PARPBP: variants seen among roughly 807,000 people sequenced by gnomAD.
PARPBP encodes PARP1 binding protein.
A neutral mutation model predicts 50.0 loss-of-function variants in PARPBP; 52 were observed. The ratio of observed to expected loss-of-function variants is 1.04; its 90% CI spans 0.83 to 1.31. The LOEUF is 1.31. Ranked by LOEUF, PARPBP falls within the 50% of genes most tolerant of loss-of-function variation. The pLI, the probability that PARPBP is intolerant of heterozygous loss-of-function variation, is 0.00. For missense variants in PARPBP, 697 were observed against 672.0 expected, an observed-to-expected ratio of 1.04 and a Z score of -0.41; for synonymous variants, 244 against 232.1, an observed-to-expected ratio of 1.05 and a Z score of -0.47.
At chr12:102,190,147 C>T (rs939648857) in intron 9 of PARPBP, among the ~76,000 whole-genome samples, 3 of 152,126 alleles carry the variant, frequency 2.0e-5, no homozygotes, top group African/African-American at 7.2e-5. Flanking sequence ...TATTTTGATA[C>T]AAGCATACAA....
intron 2 of PARPBP, among the ~76,000 whole-genome samples, chr12:102,133,753 C>A (rs545079055): frequency 6.6e-6 from 1 of 152,010 alleles, no homozygotes; most frequent in African/African-American, 2.4e-5. Flanking sequence ...CAAAACAAGT[C>A]TTAACAAATT....
chr12:102,161,144 C>T (rs568494612), intron 4 of PARPBP, among the ~76,000 whole-genome samples: 173 of 151,962 alleles, frequency 1.1e-3, no homozygotes, highest in African/African-American at 3.1e-3. Flanking sequence ...CTCATTCTGT[C>T]GCTCAGGCTG....
At chr12:102,195,623 AT>A (rs1326484632) in intron 10 of PARPBP, among the ~76,000 whole-genome samples, 176 bp downstream of exon 10, 1 of 151,768 alleles carries the variant, frequency 6.6e-6, no homozygotes, top group African/African-American at 2.4e-5. Context: ...ATCGATAGGA[AT>A]AGGACACAGT....
intron 2 of PARPBP, among the ~76,000 whole-genome samples, chr12:102,144,496 A>G (rs558428949): frequency 6.6e-6 from 1 of 152,200 alleles, no homozygotes; most frequent in Non-Finnish European, 1.5e-5. Flanking sequence ...GCACCTGATC[A>G]TGAAAACTGA....
intron 2 of PARPBP, among the ~76,000 whole-genome samples, chr12:102,134,455 G>C (rs1244278603): frequency 6.6e-6 from 1 of 152,140 alleles, no homozygotes; most frequent in Non-Finnish European, 1.5e-5. Context: ...CATTGAATCA[G>C]TAATAAAAAG....
intron 1 of PARPBP, among the ~76,000 whole-genome samples, chr12:102,122,575 A>G (rs1000894780): frequency 6.6e-6 from 1 of 152,238 alleles, no homozygotes; most frequent in African/African-American, 2.4e-5. Context: ...AAAAACTTTT[A>G]GCAGGCATGT....
chr12:102,195,516 T>A (rs1184829950), intron 10 of PARPBP, 69 bp downstream of exon 10: 22 of 1,241,978 alleles, frequency 1.8e-5, no homozygotes, highest in Non-Finnish European at 2.5e-5. Flanking sequence ...TTAACTTAAG[T>A]AAAATTAGGT....
At chr12:102,167,739 GACTT>G (rs2136308641) in intron 6 of PARPBP, among the ~76,000 whole-genome samples, 1 of 152,250 alleles carries the variant, frequency 6.6e-6, no homozygotes, top group Admixed American at 6.5e-5. Flanking sequence ...TCCGTATGTA[GACTT>G]ACTCAATTCC....
intron 2 of PARPBP, among the ~76,000 whole-genome samples, chr12:102,124,289 A>G (rs991604700): frequency 3.9e-5 from 6 of 152,226 alleles, no homozygotes; most frequent in African/African-American, 1.4e-4. Context: ...GATGTTTAAT[A>G]GGAAGATTTA....
At chr12:102,152,808 A>G (rs1886383500) in intron 3 of PARPBP, among the ~76,000 whole-genome samples, 1 of 145,188 alleles carries the variant, frequency 6.9e-6, no homozygotes, top group South Asian at 2.1e-4. Flanking sequence ...CCTTTGGTAG[A>G]TCAATTCAGA....
chr12:102,172,408 C>G (rs570169913), intron 6 of PARPBP, among the ~76,000 whole-genome samples: 3 of 152,266 alleles, frequency 2.0e-5, no homozygotes, highest in Non-Finnish European at 2.9e-5. Context: ...TGCCGGTGAA[C>G]AGCATAAATA....
chr12:102,155,701 C>T (rs1017188935), intron 4 of PARPBP, among the ~76,000 whole-genome samples: 3 of 151,956 alleles, frequency 2.0e-5, no homozygotes, highest in Admixed American at 6.6e-5. Flanking sequence ...CTGTTTTCAC[C>T]CTATTAAATC....
chr12:102,178,080 A>C (rs1889457907), intron 7 of PARPBP, among the ~76,000 whole-genome samples: 1 of 152,220 alleles, frequency 6.6e-6, no homozygotes, highest in South Asian at 2.1e-4. Context: ...TTTGAAGGCA[A>C]TGGTTGTTAC....
intron 4 of PARPBP, among the ~76,000 whole-genome samples, chr12:102,155,991 CTATAACACT>C (rs1886860187): frequency 6.6e-6 from 1 of 152,054 alleles, no homozygotes; most frequent in African/African-American, 2.4e-5. Flanking sequence ...TCTAATAGAG[CTATAACACT>C]CACTGCGTGG....
chr12:102,171,095 C>G (rs1888669490), intron 6 of PARPBP, among the ~76,000 whole-genome samples: 1 of 151,350 alleles, frequency 6.6e-6, no homozygotes. Flanking sequence ...AGTCACAACA[C>G]CTTCTTCAGG....
At chr12:102,147,602 TATACCTA>T (rs1885563674) in intron 2 of PARPBP, among the ~76,000 whole-genome samples, 2 of 149,836 alleles carry the variant, frequency 1.3e-5, no homozygotes, top group South Asian at 4.3e-4. Context: ...CATTAGGAGA[TATACCTA>T]ATGCTAAATG....
intron 3 of PARPBP, chr12:102,151,452 A>G: frequency 1.5e-6 from 1 of 676,650 alleles, no homozygotes; most frequent in Non-Finnish European, 2.5e-6. Context: ...CTCTGCAGAA[A>G]TGGTCCTTAG....
rs750654313 is a variant in PARPBP, at chr12:102,196,072, C to T, written c.1521C>T (p.Ser507=). 2.4e-5 allele frequency: 39 copies of T among 1,611,660 alleles called. No individual in the cohort carries two copies. The highest frequency in any genetic ancestry group is 3.3e-5 in the Non-Finnish European group (39 of 1,178,550). ...RKSTSQTGNK[S]SKRKQVDLDG... ...CAACCAGTCAGACAGGAAATAAAAG[C>T]TCAAAAAGGAAACAGGTGGATTTGG... The change falls in exon 11 of 11, where the codon AGC becomes AGT. Residue 507 remains serine, a synonymous_variant. Coordinates refer to ENST00000327680, the MANE Select transcript of PARPBP (RefSeq NM_017915.5).
intron 4 of PARPBP, chr12:102,154,938 G>A: frequency 2.5e-6 from 1 of 401,852 alleles, no homozygotes; most frequent in South Asian, 1.9e-5. Flanking sequence ...TACATAATAA[G>A]AACCTTGGTC....
Sources: allele counts gnomAD v4.1 joint callset (sites outside exome capture counted in the v4.1 genomes callset), GRCh38; gene constraint gnomAD v4.1.1; transcripts MANE v1.5; gene names NCBI Gene and HGNC (gene_info 2026-07-23, HGNC 2026-07-21).